UTS2: variants seen among roughly 807,000 people sequenced by gnomAD.
UTS2 encodes urotensin 2.
A neutral mutation model predicts 12.6 loss-of-function variants in UTS2; 10 were observed. That is an observed-to-expected ratio of 0.80 (90% CI 0.49 to 1.35). The LOEUF (loss-of-function observed/expected upper bound fraction) is 1.35. Among genes scored for constraint, UTS2 ranks in the 40% most tolerant of loss-of-function variants. The pLI is 0.00. For synonymous variants in UTS2, 52 were observed against 50.0 expected, an observed-to-expected ratio of 1.04 and a Z score of -0.17; for missense variants, 142 against 143.2, an observed-to-expected ratio of 0.99 and a Z score of 0.04.
upstream of UTS2, among the ~76,000 whole-genome samples, chr1:7,857,013 A>T (rs534201981): frequency 6.6e-6 from 1 of 152,056 alleles, no homozygotes; most frequent in African/African-American, 2.4e-5. Context: ...GTGAGCCGAG[A>T]TCGTGCCATT....
At chr1:7,889,048 T>C in the UTS2 span, among the ~76,000 whole-genome samples, 1 of 150,294 alleles carries the variant, frequency 6.7e-6, no homozygotes, top group Non-Finnish European at 1.5e-5. Flanking sequence ...GCTCAACATA[T>C]ATTAGCTGTG....
chr1:7,911,410 G>A, the UTS2 span, among the ~76,000 whole-genome samples: 1 of 151,962 alleles, frequency 6.6e-6, no homozygotes, highest in South Asian at 2.1e-4. Flanking sequence ...GAGGCACTGG[G>A]CTAAATACCT....
the UTS2 span, among the ~76,000 whole-genome samples, chr1:7,888,448 A>T: frequency 6.6e-6 from 1 of 150,812 alleles, no homozygotes; most frequent in Non-Finnish European, 1.5e-5. Flanking sequence ...AGTCACTGCC[A>T]ACGCTCATTC....
the UTS2 span, among the ~76,000 whole-genome samples, chr1:7,902,374 G>A: frequency 6.6e-6 from 1 of 152,154 alleles, no homozygotes; most frequent in Non-Finnish European, 1.5e-5. Context: ...AGTCGGGGAA[G>A]TTCTGACAAT....
the UTS2 span, among the ~76,000 whole-genome samples, chr1:7,888,271 C>T: frequency 6.6e-6 from 1 of 152,146 alleles, no homozygotes; most frequent in Non-Finnish European, 1.5e-5. Context: ...ACATAAATGG[C>T]ACTTTCTGCT....
intron 3 of UTS2, 28 bp from the exon 4 acceptor site, chr1:7,847,910 A>C: frequency 7.2e-7 from 1 of 1,391,686 alleles, no homozygotes; most frequent in Non-Finnish European, 9.9e-7. Context: ...AACAACAACA[A>C]CAAAAAAAAA....
At chr1:7,905,667 C>G in the UTS2 span, among the ~76,000 whole-genome samples, 1 of 152,088 alleles carries the variant, frequency 6.6e-6, no homozygotes, top group African/African-American at 2.4e-5. Context: ...TCTAGATGGC[C>G]TCCAGGCTTA....
At chr1:7,898,954 G>T in the UTS2 span, among the ~76,000 whole-genome samples, 1 of 152,246 alleles carries the variant, frequency 6.6e-6, no homozygotes, top group African/African-American at 2.4e-5. Flanking sequence ...AAGAAAAGAG[G>T]TTGAATTGGC....
At chr1:7,869,849 G>A in the UTS2 span, among the ~76,000 whole-genome samples, 39 of 152,350 alleles carry the variant, frequency 2.6e-4, no homozygotes, top group African/African-American at 8.9e-4. Context: ...CCTGAATGAT[G>A]CCTGAAAGGC....
chr1:7,885,900 G>T, the UTS2 span, among the ~76,000 whole-genome samples: 39 of 92,672 alleles, frequency 4.2e-4, 1 homozygote, highest in South Asian at 7.5e-3. Context: ...GGTGGTGGGG[G>T]GGTGGGGTGG....
chr1:7,862,996 T>TTGTAA, the UTS2 span, among the ~76,000 whole-genome samples: 26 of 18,910 alleles, frequency 1.4e-3, no homozygotes, highest in Non-Finnish European at 2.3e-3. Context: ...TTGTGTTGTA[T>TTGTAA]TGTATTGTAT....
the UTS2 span, among the ~76,000 whole-genome samples, chr1:7,876,675 AT>A: frequency 6.6e-6 from 1 of 152,212 alleles, no homozygotes; most frequent in African/African-American, 2.4e-5. Flanking sequence ...CTGAAAAAAA[AT>A]CATATAAAGA....
the UTS2 span, among the ~76,000 whole-genome samples, chr1:7,878,276 C>T: frequency 9.2e-5 from 14 of 152,162 alleles, no homozygotes; most frequent in Non-Finnish European, 1.5e-5. Flanking sequence ...TACAAGAAAT[C>T]CTTATGGGAT....
chr1:7,887,371 A>G, the UTS2 span, among the ~76,000 whole-genome samples: 2 of 152,132 alleles, frequency 1.3e-5, no homozygotes, highest in African/African-American at 4.8e-5. Context: ...ACTTGGGCAC[A>G]TGTTTACAAT....
At chr1:7,889,442 CAAAAAAAAAA>C in the UTS2 span, among the ~76,000 whole-genome samples, 2 of 85,402 alleles carry the variant, frequency 2.3e-5, no homozygotes, top group Non-Finnish European at 2.2e-5. Flanking sequence ...ATCTTATCAC[CAAAAAAAAAA>C]AAAAAAAAAA....
chr1:7,885,046 A>G, the UTS2 span, among the ~76,000 whole-genome samples: 4 of 145,788 alleles, frequency 2.7e-5, no homozygotes, highest in Admixed American at 1.4e-4. Flanking sequence ...CCATCCACCC[A>G]CTCATTCAGC....
upstream of UTS2, chr1:7,853,099 T>C: frequency 3.3e-6 from 5 of 1,495,596 alleles, no homozygotes; most frequent in East Asian, 1.2e-4. Flanking sequence ...ATATATATCA[T>C]CCTATGACCT....
chr1:7,896,751 A>T, the UTS2 span, among the ~76,000 whole-genome samples: 1 of 151,516 alleles, frequency 6.6e-6, no homozygotes, highest in African/African-American at 2.4e-5. Context: ...TCTGGAGTGC[A>T]GTGGTGCAAT....
At chr1:7,872,299 C>CAAAAAAAAAAAAAAAAAAAAAAAAAA in the UTS2 span, among the ~76,000 whole-genome samples, 1 of 65,886 alleles carries the variant, frequency 1.5e-5, no homozygotes, top group African/African-American at 5.7e-5. Flanking sequence ...GACTCTGTCT[C>CAAAAAAAAAAAAAAAAAAAAAAAAAA]AAAAAAAAAA....
Sources: gnomAD v4.1 joint callset for allele counts (sites outside exome capture counted in the v4.1 genomes callset) on GRCh38, gnomAD v4.1.1 for gene constraint, MANE v1.5 for transcripts, NCBI Gene and HGNC (gene_info 2026-07-23, HGNC 2026-07-21) for gene names.